DCAKD: variants seen among roughly 807,000 people sequenced by gnomAD.
The protein encoded by DCAKD is dephospho-CoA kinase domain containing, also known as dephospho-CoA kinase domain-containing protein.
In DCAKD, 15 loss-of-function variants were observed where a neutral mutation model predicts 18.7. That is an observed-to-expected ratio of 0.80 (90% CI 0.54 to 1.24). DCAKD has a LOEUF of 1.24. Ranked by LOEUF, DCAKD falls within the 50% of genes most tolerant of loss-of-function variation. The pLI is 0.00. For synonymous variants in DCAKD, 130 were observed against 133.0 expected, an observed-to-expected ratio of 0.98 and a Z score of 0.16; for missense variants, 301 against 322.0, an observed-to-expected ratio of 0.93 and a Z score of 0.50.
chr17:45,023,822 G>A lies in DCAKD; in HGVS notation c.*611C>T, dbSNP rs1404382183. 1 of 152,642 alleles carries A rather than the reference G, an allele frequency of 6.6e-6. No individual in the cohort carries two copies. The highest frequency in any genetic ancestry group is 1.5e-5 in the Non-Finnish European group (1 of 68,408). 9.5% of individuals were successfully genotyped at this position (152,642 alleles called of 1,614,324 possible). A position where few individuals can be genotyped will look rare whatever the true frequency, so the allele number is the denominator to read the frequency against. On this transcript the variant is annotated 3_prime_UTR_variant, in exon 5 of 5. Transcript: ENST00000651974. ...TGGGGAGAGGGGTCTCCCAGAAGAG[G>A]CTGGTCCTGCCTGGCTACAGCGTTA...
At chr17:45,034,729 G>T in intron 2 of DCAKD, 45 bp downstream of exon 2, 1 of 1,590,730 alleles carries the variant, frequency 6.3e-7, no homozygotes, top group East Asian at 2.2e-5. Flanking sequence ...CCGGAAGCGT[G>T]GGGAGCTGCT....
chr17:45,053,809 C>T (rs919277478), upstream of DCAKD, among the ~76,000 whole-genome samples: 4 of 152,146 alleles, frequency 2.6e-5, no homozygotes, highest in African/African-American at 9.7e-5. Context: ...GTGATCCACC[C>T]ACCTCGGCCT....
intron 1 of DCAKD, among the ~76,000 whole-genome samples, chr17:45,040,861 C>T (rs1396399247): frequency 6.6e-6 from 1 of 152,122 alleles, no homozygotes; most frequent in Non-Finnish European, 1.5e-5. Context: ...CAAATTGCCT[C>T]TCAGTTTTTA....
intron 1 of DCAKD, among the ~76,000 whole-genome samples, chr17:45,046,058 C>T (rs1279405648): frequency 1.4e-5 from 2 of 145,634 alleles, no homozygotes; most frequent in East Asian, 3.9e-4. Context: ...AACTCCTGAC[C>T]TCAAGTGATC....
rs1045302490 is a variant in DCAKD, at chr17:45,026,563, G to C, written c.405-1839C>G. ...ATAAATATAGAGACGAGGTCTTGCT[G>C]TGTTGCCTACACTGGTCTCAAACTC... On this transcript the variant is annotated intron_variant, in intron 4 of 4. Coordinates refer to ENST00000651974, the MANE Select transcript of DCAKD (RefSeq NM_001288655.2). 4.2e-6 allele frequency: 4 copies of C among 958,608 alleles called. No individual in the cohort carries two copies. In the Admixed American group the frequency reaches 1.9e-4, roughly 44 times the overall value. 59.4% of individuals were successfully genotyped at this position (958,608 alleles called of 1,614,324 possible). A position where few individuals can be genotyped will look rare whatever the true frequency, so the allele number is the denominator to read the frequency against.
At chr17:45,040,160 G>A (rs1476904104) in intron 1 of DCAKD, among the ~76,000 whole-genome samples, 2 of 151,824 alleles carry the variant, frequency 1.3e-5, no homozygotes, top group East Asian at 1.9e-4. Flanking sequence ...GGCCAAGGCG[G>A]GAGGATCACC....
At chr17:45,041,104 G>A (rs567169759) in intron 1 of DCAKD, among the ~76,000 whole-genome samples, 12 of 152,096 alleles carry the variant, frequency 7.9e-5, no homozygotes, top group Admixed American at 2.0e-4. Context: ...CCCTCGTCCC[G>A]GCCTGGCTTC....
chr17:45,061,011 C>T, exon 1 of DCAKD: 7 of 1,121,364 alleles, frequency 6.2e-6, no homozygotes, highest in Non-Finnish European at 7.7e-6. Flanking sequence ...CCTAAACCAG[C>T]ATCGAACTAC....
chr17:45,044,745 T>C lies in DCAKD; in HGVS notation c.-115+6616A>G, dbSNP rs1251114241. On this transcript the variant is annotated intron_variant, in intron 1 of 4. Transcript: ENST00000651974. ...TAAATAAATAAATAAATAAAAGCTG[T>C]GGCAGAAGAGTTCCCACAAGGGAAT... Among the ~76,000 whole-genome samples, 7 of 151,924 alleles carry C rather than the reference T, an allele frequency of 4.6e-5. No individual in the cohort carries two copies. The East Asian group carries it at 1.4e-3, about 29-fold the overall frequency.
chr17:45,034,838 T>C lies in DCAKD; in HGVS notation c.48A>G (p.Ser16=), dbSNP rs759587779. The C allele has an allele frequency of 1.9e-6, 3 of 1,614,186 alleles. No homozygotes were observed. In the East Asian group the frequency reaches 6.7e-5, roughly 36 times the overall value. ...CCAGCTGCTGGAACACCTGGATCAC[T>C]GAGCTCTTGCCTGAGGCAATGCCCC... ...LTGGIASGKS[S]VIQVFQQLGC... is the part of the protein sequence containing the mutation. The change falls in exon 2 of 5, where the codon TCA becomes TCG. Residue 16 remains serine, a synonymous_variant. Transcript: ENST00000651974.
chr17:45,054,246 TTTTA>T (rs1235085088), upstream of DCAKD: 13 of 436,512 alleles, frequency 3.0e-5, no homozygotes, highest in Admixed American at 7.2e-5. Context: ...CTCAAGACAG[TTTTA>T]TTTATTTTTT....
upstream of DCAKD, among the ~76,000 whole-genome samples, chr17:45,054,309 G>A (rs866595393): frequency 6.6e-6 from 1 of 151,510 alleles, no homozygotes; most frequent in East Asian, 1.9e-4. Flanking sequence ...GTACAATGGC[G>A]TGATCTCAGC....
At chr17:45,051,699 ACGGGCGGGGCCGGGAGAGGTTGGGTGGG>A (rs1567852110), upstream of DCAKD, 68 of 115,388 alleles carry the variant, frequency 5.9e-4, 1 homozygote, top group Non-Finnish European at 7.8e-4. Context: ...GAGAGGTTGG[ACGGGCGGGGCCGGGAGAGGTTGGGTGGG>A]CGGGCGGGGC....
chr17:45,024,517 C>T lies in DCAKD; in HGVS notation c.612G>A (p.Pro204=), dbSNP rs776931626. 98 of 1,614,006 alleles carry T rather than the reference C, an allele frequency of 6.1e-5. 2 individuals carry two copies. The South Asian group carries it at 6.6e-4, about 11-fold the overall frequency. The change falls in exon 5 of 5, where the codon CCG becomes CCA. Residue 204 remains proline (P), a synonymous_variant. Coordinates refer to ENST00000651974, the MANE Select transcript of DCAKD (RefSeq NM_001288655.2). The part of the protein sequence containing the change: ...TELERSLEYL[P]LRFGVLTGLA... The stretch of plus-strand genomic sequence containing the variant: ...GCCCTGTGAGGACCCCAAACCTCAG[C>T]GGCAGGTACTCCAGGGAGCGCTCCA...
intron 3 of DCAKD, among the ~76,000 whole-genome samples, chr17:45,033,290 T>TC (rs1314763895): frequency 6.6e-6 from 1 of 152,132 alleles, no homozygotes; most frequent in Non-Finnish European, 1.5e-5. Context: ...TTTCAAATAC[T>TC]CCCCTTCCCC....
chr17:45,023,885 C>T lies in DCAKD; in HGVS notation c.*548G>A, dbSNP rs1294910578. 1 of 152,594 alleles carries T rather than the reference C, an allele frequency of 6.6e-6. No individual in the cohort carries two copies. Among genetic ancestry groups the T allele is most frequent in the Non-Finnish European group, 1.5e-5 (1 of 68,358 alleles). 9.5% of individuals were successfully genotyped at this position (152,594 alleles called of 1,614,324 possible). A position where few individuals can be genotyped will look rare whatever the true frequency, so the allele number is the denominator to read the frequency against. On this transcript the variant is annotated 3_prime_UTR_variant, in exon 5 of 5. Coordinates refer to ENST00000651974, the MANE Select transcript of DCAKD (RefSeq NM_001288655.2). ...TCCTTGCTGCTTGCTGGCAGCAAGC[C>T]ATACTGGGGGGCCTGGGCCTTCAGT... is the stretch of plus-strand genomic sequence containing the variant.
intron 1 of DCAKD, among the ~76,000 whole-genome samples, chr17:45,037,068 A>C (rs80240548): frequency 0.015 from 2,332 of 152,258 alleles, 72 homozygotes; most frequent in African/African-American, 0.053. Flanking sequence ...GAAATCTGCC[A>C]CTGCTCATTC....
chr17:45,054,254 ATT>A, upstream of DCAKD: 11 of 383,034 alleles, frequency 2.9e-5, no homozygotes, highest in South Asian at 4.0e-5. Context: ...AGTTTTATTT[ATT>A]TTTTTTTTTG....
At chr17:45,029,449 C>T (rs963815741) in intron 4 of DCAKD, among the ~76,000 whole-genome samples, 1 of 152,208 alleles carries the variant, frequency 6.6e-6, no homozygotes, top group African/African-American at 2.4e-5. Context: ...TTCTGGGTAG[C>T]AGAGATACCC....
Sources: allele counts gnomAD v4.1 joint callset (sites outside exome capture counted in the v4.1 genomes callset), GRCh38; gene constraint gnomAD v4.1.1; transcripts MANE v1.5; gene names NCBI Gene and HGNC (gene_info 2026-07-23, HGNC 2026-07-21).